Variants in GPC5 observed in about 807,000 individuals in gnomAD.
The protein encoded by GPC5 is glypican 5, also known as glypican-5.
Under a neutral mutation model 53.9 loss-of-function variants are expected in GPC5, and 47 were observed. The ratio of observed to expected loss-of-function variants is 0.87; its 90% CI spans 0.69 to 1.11. The LOEUF (loss-of-function observed/expected upper bound fraction) is 1.11. GPC5 is among the 50% of genes most tolerant of loss of function. The probability of loss-of-function intolerance (pLI) is 0.00; values close to 1 mark genes in which losing one functional copy is unlikely to be tolerated. For synonymous variants in GPC5, 286 were observed against 263.3 expected (o/e 1.09, Z -0.84); for missense variants, 748 against 713.1 (o/e 1.05, Z -0.56).
At chr13:91,459,697 C>T (rs992561045) in intron 2 of GPC5, among the ~76,000 whole-genome samples, 9 of 152,008 alleles carry the variant, frequency 5.9e-5, no homozygotes, top group African/African-American at 1.9e-4. Context: ...ACAGAGACAT[C>T]CAGTGGAGGC....
intron 5 of GPC5, among the ~76,000 whole-genome samples, chr13:91,835,610 C>T (rs1364287969): frequency 6.6e-6 from 1 of 152,098 alleles, no homozygotes; most frequent in East Asian, 1.9e-4. Context: ...TGGAAACCAT[C>T]ATTCTCAGCA....
In GPC5 at chr13:92,714,175, C is replaced by T. The variant is rs7996357; in HGVS notation, c.1562-152107C>T. Among the ~76,000 whole-genome samples, 10 of 152,210 alleles carry T rather than the reference C, an allele frequency of 6.6e-5. No homozygotes were observed. In the East Asian group the frequency reaches 1.5e-3, roughly 24 times the overall value. On this transcript the variant is annotated intron_variant, in intron 7 of 7. Transcript: ENST00000377067. Reference sequence around the variant, plus strand: ...TTTGATAGGATGTCATGGAAGTCAACAAATATAGGAACTTCCTGTGTTATT... The same window carrying T: ...TTTGATAGGATGTCATGGAAGTCAATAAATATAGGAACTTCCTGTGTTATT...
chr13:91,752,980 A>G (rs2037211560), intron 4 of GPC5, among the ~76,000 whole-genome samples: 2 of 152,210 alleles, frequency 1.3e-5, no homozygotes, highest in Admixed American at 1.3e-4. Context: ...CTATCTAGAC[A>G]TTCCAAAGAA....
At chr13:91,618,637 G>C (rs763783327) in intron 2 of GPC5, among the ~76,000 whole-genome samples, 1 of 133,004 alleles carries the variant, frequency 7.5e-6, no homozygotes, top group Admixed American at 8.3e-5. Context: ...TCTTGATTAC[G>C]CATTTTAATA....
chr13:91,742,239 A>G lies in GPC5; in HGVS notation c.1154+13574A>G, dbSNP rs190405161. On this transcript the variant is annotated intron_variant, in intron 4 of 7. Coordinates refer to ENST00000377067, the MANE Select transcript of GPC5 (RefSeq NM_004466.6). ...AAGCAAATGCCAGAAGGCAGAGCAA[A>G]CATATGGCAAAAGTTCAGGCTAGTG... Among the ~76,000 whole-genome samples the G allele has an allele frequency of 1.8e-3, 270 of 152,284 alleles. 2 individuals are homozygous for G. The highest frequency in any genetic ancestry group is 6.0e-3 in the African/African-American group (251 of 41,566).
intron 6 of GPC5, among the ~76,000 whole-genome samples, chr13:91,981,480 T>C (rs747359393): frequency 6.6e-6 from 1 of 152,092 alleles, no homozygotes; most frequent in Non-Finnish European, 1.5e-5. Flanking sequence ...TAGTACAGAC[T>C]GGGTTTCACC....
intron 7 of GPC5, among the ~76,000 whole-genome samples, chr13:92,822,045 T>C (rs1877691907): frequency 6.6e-6 from 1 of 152,198 alleles, no homozygotes; most frequent in African/African-American, 2.4e-5. Flanking sequence ...ACTCTGGGGC[T>C]GAAGCAAACA....
In GPC5 at chr13:92,527,156, GAA is replaced by G. The variant is rs1158785041; in HGVS notation, c.1562-339124_1562-339123del. ...AGAAAGAAAGAAAGAAAGAAAGAAA[GAA>G]AGAAAGAAAGAAAGAGAAAGAAAGA... On this transcript the variant is annotated intron_variant, in intron 7 of 7. Coordinates refer to ENST00000377067, the MANE Select transcript of GPC5 (RefSeq NM_004466.6). Among the ~76,000 whole-genome samples the G allele has an allele frequency of 1.4e-3, 156 of 108,026 alleles. 3 individuals carry two copies. The highest frequency in any genetic ancestry group is 1.9e-3 in the Non-Finnish European group (96 of 51,046). The allele number at this position is 108,026 out of a possible 152,430, so 70.9% of individuals were successfully genotyped here. A position where few individuals can be genotyped will look rare whatever the true frequency, so the allele number is the denominator to read the frequency against.
intron 6 of GPC5, among the ~76,000 whole-genome samples, chr13:91,942,431 G>A (rs2139047008): frequency 2.0e-5 from 3 of 152,046 alleles, no homozygotes; most frequent in Middle Eastern, 6.8e-3. Flanking sequence ...CTATGAACAG[G>A]TCTTATATCA....
rs532596504 is a variant in GPC5, at chr13:91,527,390, C to T, written c.325+78468C>T. Among the ~76,000 whole-genome samples the T allele has an allele frequency of 2.0e-5, 3 of 152,344 alleles. No individual in the cohort carries two copies. In the South Asian group the frequency reaches 6.2e-4, roughly 32 times the overall value. On this transcript the variant is annotated intron_variant, in intron 2 of 7. Coordinates refer to ENST00000377067, the MANE Select transcript of GPC5 (RefSeq NM_004466.6). ...AATCTTAAAGCTCCAGAATGATCTC[C>T]TTTGATTCCGTGTCTCACGTCCAGG... is the stretch of plus-strand genomic sequence containing the variant.
intron 6 of GPC5, among the ~76,000 whole-genome samples, chr13:91,965,513 A>C (rs1208331525): frequency 6.6e-6 from 1 of 152,176 alleles, no homozygotes; most frequent in East Asian, 1.9e-4. Context: ...AGGAGTTCAG[A>C]GCCTCCCATG....
chr13:91,444,903 G>T (rs929678206), intron 1 of GPC5, among the ~76,000 whole-genome samples: 1 of 152,154 alleles, frequency 6.6e-6, no homozygotes, highest in Non-Finnish European at 1.5e-5. Context: ...AAGACCCACA[G>T]TAGATCCCCG....
intron 5 of GPC5, among the ~76,000 whole-genome samples, chr13:91,789,944 C>T (rs949122185): frequency 1.3e-5 from 2 of 152,162 alleles, no homozygotes; most frequent in Non-Finnish European, 2.9e-5. Flanking sequence ...ACACAAGATA[C>T]AACCTGACTT....
chr13:92,328,841 C>A (rs993866391), intron 7 of GPC5, among the ~76,000 whole-genome samples: 1 of 152,094 alleles, frequency 6.6e-6, no homozygotes, highest in African/African-American at 2.4e-5. Context: ...GTTGTTTTCA[C>A]TGTTATTATT....
intron 2 of GPC5, among the ~76,000 whole-genome samples, chr13:91,534,348 A>T (rs954826946): frequency 3.3e-5 from 5 of 152,206 alleles, no homozygotes; most frequent in African/African-American, 4.8e-5. Flanking sequence ...ATTATCTTAG[A>T]TATACATTGC....
At chr13:91,843,743 C>T (rs1211008161) in intron 5 of GPC5, among the ~76,000 whole-genome samples, 3 of 152,094 alleles carry the variant, frequency 2.0e-5, no homozygotes, top group African/African-American at 7.2e-5. Context: ...CCTTTGGATG[C>T]ATCTGGAATG....
intron 7 of GPC5, among the ~76,000 whole-genome samples, chr13:92,247,528 C>A (rs1057225706): frequency 6.6e-6 from 1 of 152,042 alleles, no homozygotes; most frequent in Admixed American, 6.6e-5. Flanking sequence ...TATAGTTCAA[C>A]AGTAAATAGA....
intron 6 of GPC5, among the ~76,000 whole-genome samples, chr13:92,136,153 T>C (rs538343521): frequency 5.9e-5 from 9 of 152,284 alleles, no homozygotes; most frequent in African/African-American, 1.7e-4. Flanking sequence ...TGTGTCTCAA[T>C]TGAAATATGT....
At position 91,975,468 on chromosome 13, in the gene GPC5, A is replaced by G. The variant is rs868720645; in HGVS notation, c.1401+67411A>G. 3.4e-3 allele frequency among the ~76,000 whole-genome samples: 515 copies of G among 152,338 alleles called. 5 individuals are homozygous for G. The highest frequency in any genetic ancestry group is 3.2e-3 in the Non-Finnish European group (218 of 68,022). ...ATCAAAAAGTGGGCAAAGGATATGA[A>G]CAGACACTCCTCAAAAGAAGACATT... On this transcript the variant is annotated intron_variant, in intron 6 of 7. Coordinates refer to ENST00000377067, the MANE Select transcript of GPC5 (RefSeq NM_004466.6).
Sources: gnomAD v4.1 joint callset for allele counts (sites outside exome capture counted in the v4.1 genomes callset) on GRCh38, gnomAD v4.1.1 for gene constraint, MANE v1.5 for transcripts, NCBI Gene and HGNC (gene_info 2026-07-23, HGNC 2026-07-21) for gene names.